Variants in UNC13A observed in about 807,000 individuals in gnomAD.
The protein encoded by UNC13A is protein unc-13 homolog A.
In UNC13A, 61 loss-of-function variants were observed where a neutral mutation model predicts 219.7. The observed-to-expected ratio is 0.28, with a 90% CI of 0.23 to 0.34. The LOEUF is 0.34. UNC13A is among the 10% of genes least tolerant of loss of function. The pLI is 1.00. For synonymous variants in UNC13A, 920 were observed against 884.6 expected, an observed-to-expected ratio of 1.04 and a Z score of -0.71; for missense variants, 1,476 against 2,270.3, an observed-to-expected ratio of 0.65 and a Z score of 7.11.
Position 17,674,762 on chromosome 19 carries a change from G to T in UNC13A, c.53-6C>A, listed in dbSNP as rs764695186. 1.9e-6 allele frequency: 3 copies of T among 1,613,094 alleles called. No homozygotes were observed. The African/African-American group carries it at 4.0e-5, about 22-fold the overall frequency. On this transcript the variant is annotated splice_polypyrimidine_tract_variant and splice_region_variant and intron_variant, in intron 2 of 43. Coordinates refer to ENST00000519716, the MANE Select transcript of UNC13A (RefSeq NM_001080421.3). This position sits in a 1 kb window ranked among gnomAD's most constrained non-coding sequence, Gnocchi z 5.0. ...CACGTACGTGTTGAATTTCTCTGTGGCAGTGAGAGTAGGGGTCAGCGCTGG... is the reference window on the plus strand; with the variant it reads ...CACGTACGTGTTGAATTTCTCTGTGTCAGTGAGAGTAGGGGTCAGCGCTGG...
intron 8 of UNC13A, among the ~76,000 whole-genome samples, chr19:17,662,049 C>T (rs1026869127): frequency 6.6e-6 from 1 of 152,010 alleles, no homozygotes; most frequent in African/African-American, 2.4e-5. Context: ...CACAACCAGC[C>T]TGGCCAACAT....
rs2076872397 is a variant in UNC13A, at chr19:17,632,919, A to T, written c.3302-11T>A. 1 of 1,613,746 alleles carries T rather than the reference A, an allele frequency of 6.2e-7. No homozygotes were observed. The highest frequency in any genetic ancestry group is 1.1e-5 in the South Asian group (1 of 91,076). On this transcript the variant is annotated splice_polypyrimidine_tract_variant and intron_variant, in intron 27 of 43. Coordinates refer to ENST00000519716, the MANE Select transcript of UNC13A (RefSeq NM_001080421.3). ...GATGCTTGTCGTGCTCTGGCCAGGG[A>T]CAAAGAGGATGGCACAGCTGGAAGG...
In UNC13A at chr19:17,624,909, G is replaced by A. The variant is rs867920004; in HGVS notation, c.4117C>T (p.Arg1373Ter). 6.2e-7 allele frequency: 1 copy of A among 1,613,778 alleles called. No individual in the cohort carries two copies. The highest frequency in any genetic ancestry group is 8.5e-7 in the Non-Finnish European group (1 of 1,179,732). Residue 1373 changes from arginine to a stop codon, truncating the protein, a stop_gained, in exon 35 of 44, where the codon CGA (arginine) becomes TGA (stop). Coordinates refer to ENST00000519716, the MANE Select transcript of UNC13A (RefSeq NM_001080421.3). LOFTEE classifies it high-confidence loss of function. ...AGCTTCCACAGCTCCTTCAGCACTC[G>A]CTTCAGCACAGTCTTCTCACAGATT... ...AKICEKTVLK[R>*]VLKELWKLVM... is the part of the protein sequence containing the mutation.
intron 5 of UNC13A, among the ~76,000 whole-genome samples, chr19:17,668,918 C>G (rs1353019990): frequency 1.3e-5 from 2 of 152,230 alleles, no homozygotes; most frequent in Non-Finnish European, 2.9e-5. Context: ...GCCTCAGCCT[C>G]CCAAATAGTT....
Position 17,655,262 on chromosome 19 carries a change from C to A in UNC13A, c.1392+12G>T. The A allele has an allele frequency of 6.4e-7, 1 of 1,555,158 alleles. No individual in the cohort carries two copies. Among genetic ancestry groups the A allele is most frequent in the Non-Finnish European group, 8.7e-7 (1 of 1,152,532 alleles). ...TAAGTGTGGCAGGGGCATGGCTGGG[C>A]GTGTCACTCACCTCCTGCAGCTGCA... On this transcript the variant is annotated intron_variant, in intron 11 of 43. Coordinates refer to ENST00000519716, the MANE Select transcript of UNC13A (RefSeq NM_001080421.3).
chr19:17,625,162 G>C (rs991131984), intron 34 of UNC13A, among the ~76,000 whole-genome samples: 1 of 152,200 alleles, frequency 6.6e-6, no homozygotes, highest in African/African-American at 2.4e-5. Context: ...GACCAGATGG[G>C]AAGGGGCCCC....
At chr19:17,636,531 C>T (rs1179096611) in intron 25 of UNC13A, among the ~76,000 whole-genome samples, 2 of 152,126 alleles carry the variant, frequency 1.3e-5, no homozygotes, top group Non-Finnish European at 2.9e-5. Flanking sequence ...TGAACTTGGG[C>T]CAATCACACT....
chr19:17,610,709 C>A (rs996496738), intron 42 of UNC13A, among the ~76,000 whole-genome samples: 1 of 152,106 alleles, frequency 6.6e-6, no homozygotes, highest in Admixed American at 6.5e-5. Flanking sequence ...GGGGGCTGAG[C>A]TCTTTGTGAC....
At position 17,627,394 on chromosome 19, in the gene UNC13A, T is replaced by C; in HGVS notation, c.3920+115A>G. On this transcript the variant is annotated intron_variant, in intron 33 of 43. Transcript: ENST00000519716. The surrounding 1 kb of genome is among the most constrained non-coding windows in gnomAD (Gnocchi z 4.7). ...GCCAAGATTTGAACTCAGCCTTGTC[T>C]AACTCTGAGCCTGCAATCTTCACCT... 1.2e-6 allele frequency: 1 copy of C among 805,700 alleles called. No individual in the cohort carries two copies. Among genetic ancestry groups the C allele is most frequent in the Non-Finnish European group, 2.0e-6 (1 of 500,762 alleles). The allele number at this position is 805,700 out of a possible 1,614,324, so 49.9% of individuals were successfully genotyped here.
intron 1 of UNC13A, among the ~76,000 whole-genome samples, chr19:17,681,936 A>T (rs1045806452): frequency 7.6e-4 from 110 of 145,372 alleles, no homozygotes; most frequent in African/African-American, 2.7e-3. Context: ...TCCATTAATA[A>T]AAACATCATC....
intron 4 of UNC13A, among the ~76,000 whole-genome samples, chr19:17,670,077 G>A (rs866609783): frequency 6.6e-6 from 1 of 151,204 alleles, no homozygotes; most frequent in East Asian, 2.0e-4. Flanking sequence ...TTCCCGAGTA[G>A]CTGGGACTAC....
rs867177576 is a variant in UNC13A, at chr19:17,626,673, C to T, written c.4033G>A (p.Asp1345Asn). The change falls in exon 34 of 44, where the codon GAC (aspartate) becomes AAC (asparagine). Residue 1345 changes from aspartate to asparagine, a missense_variant. By Grantham distance (23) the Asp-to-Asn change is conservative. Around this residue, in one of 14 missense-constraint regions of UNC13A, gnomAD observed 218 missense variants for 409.4 expected, o/e 0.53. Transcript: ENST00000519716. The stretch of plus-strand genomic sequence containing the variant: ...TCCATGATGGGCTGCAACACATTGT[C>T]CGCGTCCTGGGCCACGCTGCTGCAG... Reference protein sequence around the residue: ...SACSSVAQDADNVLQPIMDLL... With the variant: ...SACSSVAQDANNVLQPIMDLL... 1 of 1,574,992 alleles carries T rather than the reference C, an allele frequency of 6.3e-7. No individual in the cohort carries two copies. The highest frequency in any genetic ancestry group is 8.6e-7 in the Non-Finnish European group (1 of 1,159,976).
At chr19:17,628,088 C>G (rs1230528264) in intron 31 of UNC13A, 148 bp from the exon 32 acceptor site, 1 of 702,820 alleles carries the variant, frequency 1.4e-6, no homozygotes, top group Non-Finnish European at 2.4e-6. Flanking sequence ...TGGAAGGGAG[C>G]TTTTGTGCTC....
chr19:17,633,580 TTCA>T lies in UNC13A; in HGVS notation c.3216-390_3216-388del, dbSNP rs576159968. On this transcript the variant is annotated intron_variant, in intron 26 of 43. Coordinates refer to ENST00000519716, the MANE Select transcript of UNC13A (RefSeq NM_001080421.3). ...CATTATCCACCCATCCAACCATCCC[TTCA>T]TCAATTCATTCACCCACTCATGCAA... 3.7e-3 allele frequency among the ~76,000 whole-genome samples: 561 copies of T among 151,772 alleles called. 1 individual carries two copies. Among genetic ancestry groups the T allele is most frequent in the Non-Finnish European group, 6.3e-3 (431 of 67,908 alleles).
rs2076471262 is a variant in UNC13A at position 17,602,149 on chromosome 19, T to C, written c.*3905A>G. On this transcript the variant is annotated 3_prime_UTR_variant, in exon 44 of 44. Coordinates refer to ENST00000519716, the MANE Select transcript of UNC13A (RefSeq NM_001080421.3). The stretch of plus-strand genomic sequence containing the variant: ...GGGCCTGAGAGAGGAATTGGGGGTG[T>C]GGACAGGCACCTCCTCATTTTATGC... 6.6e-6 allele frequency: 1 copy of C among 152,554 alleles called. No homozygotes were observed. The highest frequency in any genetic ancestry group is 1.5e-5 in the Non-Finnish European group (1 of 68,068). The allele number at this position is 152,554 out of a possible 1,614,324, so 9.5% of individuals were successfully genotyped here. A position where few individuals can be genotyped will look rare whatever the true frequency, so the allele number is the denominator to read the frequency against.
At chr19:17,616,373 G>C (rs764906378) in intron 41 of UNC13A, 1 of 690,440 alleles carries the variant, frequency 1.4e-6, no homozygotes, top group South Asian at 1.5e-5. Context: ...CCGGGCACCA[G>C]GCGCGGGCGG....
rs540132779 is a variant in UNC13A at position 17,668,332 on chromosome 19, G to A, written c.395-142C>T. Reference sequence around the variant, plus strand: ...CAGAAGTAGGGGTGGGTTGGTCTGCGGTCTCAGGAGGGTGGATGGAGATGA... The same window carrying A: ...CAGAAGTAGGGGTGGGTTGGTCTGCAGTCTCAGGAGGGTGGATGGAGATGA... On this transcript the variant is annotated intron_variant, in intron 5 of 43. Transcript: ENST00000519716. 1.6e-4 allele frequency: 113 copies of A among 709,970 alleles called. No homozygotes were observed. The South Asian group carries it at 1.6e-3, about 10-fold the overall frequency. The allele number at this position is 709,970 out of a possible 1,614,324, so 44.0% of individuals were successfully genotyped here.
At chr19:17,640,861 CTTCTTTTTTTCTTTCT>C (rs1384012598) in intron 21 of UNC13A, among the ~76,000 whole-genome samples, 200 bp from the exon 22 acceptor site, 1 of 146,660 alleles carries the variant, frequency 6.8e-6, no homozygotes, top group East Asian at 2.0e-4. Flanking sequence ...TCTAATTCTG[CTTCTTTTTTTCTTTCT>C]TTCTTTTTTT....
chr19:17,677,357 CT>C lies in UNC13A; in HGVS notation c.23-1317del, dbSNP rs993666999. On this transcript the variant is annotated intron_variant, in intron 1 of 43. Transcript: ENST00000519716. Reference sequence around the variant, plus strand: ...TCCCTCCCTTTCCTTTCTTTCTTTTCTTTTTTTTTTTCTTTTTTTTTTTAGG... The same window carrying C: ...TCCCTCCCTTTCCTTTCTTTCTTTTCTTTTTTTTTTCTTTTTTTTTTTAGG... Among the ~76,000 whole-genome samples the C allele has an allele frequency of 1.5e-3, 101 of 67,000 alleles. 1 individual carries two copies. Among genetic ancestry groups the C allele is most frequent in the African/African-American group, 5.9e-3 (49 of 8,374 alleles). The allele number at this position is 67,000 out of a possible 152,430, so 44.0% of individuals were successfully genotyped here.
Sources: gnomAD v4.1 joint callset for allele counts (sites outside exome capture counted in the v4.1 genomes callset) on GRCh38, gnomAD v4.1.1 for gene constraint, gnomAD v4.1.1 regional missense constraint, Gnocchi (gnomAD v3.1) non-coding constraint, MANE v1.5 for transcripts, NCBI Gene and HGNC (gene_info 2026-07-23, HGNC 2026-07-21) for gene names.